Variants in GNB1L observed in about 807,000 individuals in gnomAD.
The protein encoded by GNB1L is G protein subunit beta 1 like.
A neutral mutation model predicts 29.1 loss-of-function variants in GNB1L; 20 were observed. That is an observed-to-expected ratio of 0.69 (90% CI 0.48 to 1.00). The LOEUF is 1.00. Among genes scored for constraint, GNB1L ranks in the 50% least tolerant of loss-of-function variants. The probability of loss-of-function intolerance (pLI) is 0.00; values close to 1 mark genes in which losing one functional copy is unlikely to be tolerated. For missense variants in GNB1L, 421 were observed against 464.9 expected, an observed-to-expected ratio of 0.91 and a Z score of 0.87; for synonymous variants, 193 against 206.5, an observed-to-expected ratio of 0.93 and a Z score of 0.56.
intron 4 of GNB1L, among the ~76,000 whole-genome samples, chr22:19,813,109 A>G (rs1937512942): frequency 6.6e-6 from 1 of 152,214 alleles, no homozygotes; most frequent in South Asian, 2.1e-4. Context: ...TTAGAATTGT[A>G]AAGTCAATAT....
At chr22:19,850,047 C>A (rs1938057271) in intron 2 of GNB1L, 1 of 985,770 alleles carries the variant, frequency 1.0e-6, no homozygotes, top group Admixed American at 6.1e-5. Context: ...GAAGTCAGTT[C>A]TCTACCTGCA....
At chr22:19,808,774 A>C (rs1000505505) in intron 5 of GNB1L, among the ~76,000 whole-genome samples, 7 of 152,244 alleles carry the variant, frequency 4.6e-5, no homozygotes, top group Non-Finnish European at 8.8e-5. Flanking sequence ...AGCTAGAGGC[A>C]CCAGGGCGGC....
intron 7 of GNB1L, among the ~76,000 whole-genome samples, chr22:19,794,873 C>CGA (rs975150648): frequency 2.0e-5 from 3 of 151,978 alleles, no homozygotes; most frequent in Non-Finnish European, 4.4e-5. Context: ...CCCAGCTACT[C>CGA]GAGAGGCTGA....
chr22:19,807,099 T>C (rs1272445131), intron 5 of GNB1L, among the ~76,000 whole-genome samples: 1 of 152,008 alleles, frequency 6.6e-6, no homozygotes, highest in East Asian at 2.0e-4. Flanking sequence ...ATCTCAGGCA[T>C]AGCCATGGTT....
At chr22:19,811,985 C>G (rs557415561) in intron 5 of GNB1L, among the ~76,000 whole-genome samples, 1 of 152,332 alleles carries the variant, frequency 6.6e-6, no homozygotes, top group African/African-American at 2.4e-5. Context: ...CTTGGCCATC[C>G]CACGCCACTG....
At chr22:19,797,497 G>A (rs1186055201) in intron 7 of GNB1L, among the ~76,000 whole-genome samples, 2 of 152,170 alleles carry the variant, frequency 1.3e-5, no homozygotes, top group African/African-American at 2.4e-5. Context: ...GAGATGCAGT[G>A]AGATCATTTA....
chr22:19,851,310 G>A, intron 2 of GNB1L: 1 of 1,614,084 alleles, frequency 6.2e-7, no homozygotes, highest in Non-Finnish European at 8.5e-7. Flanking sequence ...CCTCCTGGAT[G>A]AGCTGGGTCT....
At position 19,833,860 on chromosome 22, in the gene GNB1L, C is replaced by T. The variant is rs565637871; in HGVS notation, c.-20-12485G>A. Among the ~76,000 whole-genome samples, 6 of 150,464 alleles carry T rather than the reference C, an allele frequency of 4.0e-5. No individual in the cohort carries two copies. In the South Asian group the frequency reaches 6.3e-4, roughly 16 times the overall value. ...CAGCCGGGGCGACAAAGTGAGACTCCGTCTCAAAGAGAAAAACAATAATAA... is the reference window on the plus strand; with the variant it reads ...CAGCCGGGGCGACAAAGTGAGACTCTGTCTCAAAGAGAAAAACAATAATAA... On this transcript the variant is annotated intron_variant, in intron 2 of 7. Coordinates refer to ENST00000329517, the MANE Select transcript of GNB1L (RefSeq NM_053004.3).
intron 2 of GNB1L, among the ~76,000 whole-genome samples, chr22:19,832,305 G>C (rs538925024): frequency 9.9e-5 from 15 of 152,244 alleles, no homozygotes; most frequent in Non-Finnish European, 1.6e-4. Flanking sequence ...ACTCCTCTCT[G>C]GGCAACAGAG....
intron 4 of GNB1L, among the ~76,000 whole-genome samples, chr22:19,818,531 C>T (rs1937553357): frequency 6.6e-6 from 1 of 152,240 alleles, no homozygotes; most frequent in Admixed American, 6.5e-5. Context: ...TCAGGACAAC[C>T]CTGGTGCCTT....
chr22:19,825,659 A>T (rs900437869), intron 2 of GNB1L, among the ~76,000 whole-genome samples: 4 of 151,580 alleles, frequency 2.6e-5, no homozygotes, highest in African/African-American at 7.3e-5. Flanking sequence ...TCTTTAAAAA[A>T]TTTTTTTAAA....
At chr22:19,852,143 G>A in intron 2 of GNB1L, 1 of 1,614,182 alleles carries the variant, frequency 6.2e-7, no homozygotes, top group African/African-American at 1.3e-5. Flanking sequence ...CACAAGGGGG[G>A]TGTATGCCAC....
chr22:19,826,061 G>A (rs994167024), intron 2 of GNB1L, among the ~76,000 whole-genome samples: 5 of 152,200 alleles, frequency 3.3e-5, no homozygotes, highest in Non-Finnish European at 2.9e-5. Context: ...GTGCAGCCTC[G>A]GGAGACCTGC....
chr22:19,811,968 C>T (rs1038976964), intron 5 of GNB1L, among the ~76,000 whole-genome samples: 1 of 152,200 alleles, frequency 6.6e-6, no homozygotes, highest in Non-Finnish European at 1.5e-5. Flanking sequence ...GGCCTCGGGC[C>T]TCCATGCTTG....
intron 2 of GNB1L, chr22:19,850,792 G>A: frequency 7.8e-7 from 1 of 1,284,750 alleles, no homozygotes; most frequent in South Asian, 3.2e-5. Flanking sequence ...GTCCCAGCCA[G>A]TGTGGAAGAC....
In GNB1L at chr22:19,802,086, A is replaced by T. The variant is rs1280966587; in HGVS notation, c.647T>A (p.Phe216Tyr). ...CHEEPVMDLD[F>Y]DSQKARGISG... is the part of the protein sequence containing the mutation. ...GATGCCCCTGGCCTTCTGGGAGTCA[A>T]AGTCAAGGTCCATGACGGGCTCCTC... Residue 216 changes from phenylalanine (F) to tyrosine (Y), a missense_variant, in exon 7 of 8, where the codon TTT (phenylalanine) becomes TAT (tyrosine). Transcript: ENST00000329517. The T allele has an allele frequency of 6.2e-7, 1 of 1,613,442 alleles. No individual in the cohort carries two copies. The highest frequency in any genetic ancestry group is 8.5e-7 in the Non-Finnish European group (1 of 1,180,010).
intron 7 of GNB1L, among the ~76,000 whole-genome samples, chr22:19,790,545 C>T (rs1937242343): frequency 6.6e-6 from 1 of 152,162 alleles, no homozygotes; most frequent in Non-Finnish European, 1.5e-5. Context: ...AGTGTGGTGG[C>T]TCATGCTTGT....
At chr22:19,808,864 T>A (rs1239134451) in intron 5 of GNB1L, among the ~76,000 whole-genome samples, 2 of 152,182 alleles carry the variant, frequency 1.3e-5, no homozygotes, top group Admixed American at 1.3e-4. Flanking sequence ...TCATTGGGTG[T>A]TGCCACCATT....
intron 5 of GNB1L, among the ~76,000 whole-genome samples, chr22:19,810,647 T>C (rs1379761704): frequency 6.6e-6 from 1 of 152,134 alleles, no homozygotes; most frequent in Non-Finnish European, 1.5e-5. Flanking sequence ...CTGCAACTTT[T>C]GTTTCCAGAA....
Sources: gnomAD v4.1 joint callset for allele counts (sites outside exome capture counted in the v4.1 genomes callset) on GRCh38, gnomAD v4.1.1 for gene constraint, MANE v1.5 for transcripts, NCBI Gene and HGNC (gene_info 2026-07-23, HGNC 2026-07-21) for gene names.